Variants in R3HDM1 observed in about 807,000 individuals in gnomAD.
R3HDM1 encodes the protein R3H domain-containing protein 1.
A neutral mutation model predicts 141.1 loss-of-function variants in R3HDM1; 46 were observed. The ratio of observed to expected loss-of-function variants is 0.33; its 90% CI spans 0.26 to 0.42. R3HDM1 has a LOEUF of 0.42. R3HDM1 is among the 10% of genes least tolerant of loss of function. R3HDM1 has a pLI of 1.00. For synonymous variants in R3HDM1, 435 were observed against 472.9 expected (o/e 0.92, Z 1.04); for missense variants, 1,184 against 1,368.3 (o/e 0.87, Z 2.12).
chr2:135,706,084 G>A (rs1429701818), intron 21 of R3HDM1, among the ~76,000 whole-genome samples: 2 of 150,802 alleles, frequency 1.3e-5, no homozygotes, highest in Admixed American at 1.3e-4. Context: ...AGCCAAGATT[G>A]CGCCACTGCA....
chr2:135,614,972 C>T (rs1011035496), intron 3 of R3HDM1, among the ~76,000 whole-genome samples: 1 of 152,136 alleles, frequency 6.6e-6, no homozygotes, highest in Admixed American at 6.5e-5. Context: ...ACAATACCAA[C>T]ATGCAGAAGA....
chr2:135,531,893 A>C (rs982651863), intron 1 of R3HDM1, among the ~76,000 whole-genome samples: 8 of 152,024 alleles, frequency 5.3e-5, no homozygotes, highest in African/African-American at 1.9e-4. Context: ...CTCCGGCTGC[A>C]GCTGCAGCCA....
chr2:135,638,917 G>T lies in R3HDM1; in HGVS notation c.1014G>T (p.Gly338=), dbSNP rs2063520729. The T allele has an allele frequency of 1.2e-6, 2 of 1,613,740 alleles. No homozygotes were observed. Among genetic ancestry groups the T allele is most frequent in the African/African-American group, 1.3e-5 (1 of 74,844 alleles). ...ACAGAGTTAATAAAGATGCTTCAGG[G>T]AGATCTACAAATAGCCATCAAAGCA... ...QIFRVNKDAS[G]RSTNSHQSST... The change falls in exon 14 of 27, where the codon GGG becomes GGT. Residue 338 remains glycine (G), a synonymous_variant. Transcript: ENST00000683871.
intron 21 of R3HDM1, among the ~76,000 whole-genome samples, chr2:135,688,262 A>C (rs2071708499): frequency 6.6e-6 from 1 of 152,242 alleles, no homozygotes; most frequent in Non-Finnish European, 1.5e-5. Context: ...TGTGTGTTCA[A>C]GCATGAGTTG....
chr2:135,669,683 A>G, intron 19 of R3HDM1: 1 of 631,112 alleles, frequency 1.6e-6, no homozygotes, highest in Non-Finnish European at 2.0e-6. Flanking sequence ...ATCATAGAGA[A>G]GGTATGAACC....
chr2:135,536,291 C>T (rs1696098064), intron 1 of R3HDM1, among the ~76,000 whole-genome samples: 1 of 152,164 alleles, frequency 6.6e-6, no homozygotes, highest in Admixed American at 6.5e-5. Context: ...AAACTTGTCA[C>T]TAGGACTACA....
At chr2:135,699,049 T>C (rs985944343) in intron 21 of R3HDM1, among the ~76,000 whole-genome samples, 1 of 131,042 alleles carries the variant, frequency 7.6e-6, no homozygotes, top group Non-Finnish European at 1.5e-5. Context: ...ATAGATAAGA[T>C]AGATAAGATA....
intron 1 of R3HDM1, among the ~76,000 whole-genome samples, chr2:135,574,858 A>G (rs1287353518): frequency 1.3e-5 from 2 of 152,168 alleles, no homozygotes; most frequent in African/African-American, 2.4e-5. Context: ...AAAGCCAGGA[A>G]TCTTATATAT....
chr2:135,621,632 T>TA lies in R3HDM1; in HGVS notation c.418+24_418+25insA. ...AGGTTTGCAGTTCTTTTGTTTTTTT[T>TA]TAAAAAAAAATTTTGCTATCAGTAA... On this transcript the variant is annotated intron_variant, in intron 6 of 26. Coordinates refer to ENST00000683871, the MANE Select transcript of R3HDM1 (RefSeq NM_001378107.1). 5 of 1,524,522 alleles carry TA rather than the reference T, an allele frequency of 3.3e-6. No individual in the cohort carries two copies. In the South Asian group the frequency reaches 3.9e-5, roughly 12 times the overall value. The allele number at this position is 1,524,522 out of a possible 1,614,324, so 94.4% of individuals were successfully genotyped here. A position where few individuals can be genotyped will look rare whatever the true frequency, so the allele number is the denominator to read the frequency against.
At position 135,725,244 on chromosome 2, in the gene R3HDM1, C is replaced by G. The variant is rs540792435; in HGVS notation, c.*952C>G. On this transcript the variant is annotated 3_prime_UTR_variant, in exon 27 of 27. Coordinates refer to ENST00000683871, the MANE Select transcript of R3HDM1 (RefSeq NM_001378107.1). ...GTGCTGATGCAAGCCTTTTTCAGTT[C>G]AAGAGAATAAATGTTTACAAATATA... 1 of 150,388 alleles carries G rather than the reference C, an allele frequency of 6.6e-6. No individual in the cohort carries two copies. The highest frequency in any genetic ancestry group is 1.5e-5 in the Non-Finnish European group (1 of 67,950). The allele number at this position is 150,388 out of a possible 1,614,324, so 9.3% of individuals were successfully genotyped here. A position where few individuals can be genotyped will look rare whatever the true frequency, so the allele number is the denominator to read the frequency against.
chr2:135,568,508 C>T (rs1430942307), intron 1 of R3HDM1, among the ~76,000 whole-genome samples: 3 of 151,732 alleles, frequency 2.0e-5, no homozygotes, highest in Non-Finnish European at 2.9e-5. Context: ...GTCACTACAC[C>T]CGGCTAATTT....
At chr2:135,557,489 C>A (rs1032294794) in intron 1 of R3HDM1, among the ~76,000 whole-genome samples, 1 of 152,152 alleles carries the variant, frequency 6.6e-6, no homozygotes, top group African/African-American at 2.4e-5. Flanking sequence ...TAAGAGGCAG[C>A]CAGGTTCAGG....
intron 1 of R3HDM1, among the ~76,000 whole-genome samples, chr2:135,573,071 T>G (rs1490015968): frequency 3.7e-4 from 56 of 152,122 alleles, no homozygotes; most frequent in Admixed American, 3.7e-3. Flanking sequence ...ATTCTAAAAT[T>G]GATTGTGATT....
chr2:135,568,536 G>T (rs1703319828), intron 1 of R3HDM1, among the ~76,000 whole-genome samples: 1 of 149,716 alleles, frequency 6.7e-6, no homozygotes. Context: ...TTTTAGTAGA[G>T]ACATGGTTTC....
At chr2:135,532,120 G>A (rs921190946) in intron 1 of R3HDM1, among the ~76,000 whole-genome samples, 2 of 152,118 alleles carry the variant, frequency 1.3e-5, no homozygotes, top group African/African-American at 4.8e-5. Flanking sequence ...CCGGTGCCCC[G>A]GGCTCCCCCG....
chr2:135,556,164 AG>A (rs2104943491), intron 1 of R3HDM1, among the ~76,000 whole-genome samples: 1 of 152,350 alleles, frequency 6.6e-6, no homozygotes, highest in Admixed American at 6.5e-5. Context: ...TGTCCAGAAT[AG>A]GCAAATCTAT....
At chr2:135,604,327 T>C (rs553981703) in intron 2 of R3HDM1, among the ~76,000 whole-genome samples, 73 of 152,370 alleles carry the variant, frequency 4.8e-4, no homozygotes, top group Admixed American at 1.8e-3. Flanking sequence ...ATTTCTAATG[T>C]CTTCTAAATA....
chr2:135,656,038 G>C (rs1051269823), intron 18 of R3HDM1, among the ~76,000 whole-genome samples: 4 of 151,886 alleles, frequency 2.6e-5, no homozygotes, highest in Non-Finnish European at 1.5e-5. Flanking sequence ...CTATTGTTTT[G>C]GGATTTGTCC....
chr2:135,632,040 A>G, intron 9 of R3HDM1, 39 bp downstream of exon 9: 1 of 1,408,318 alleles, frequency 7.1e-7, no homozygotes, highest in Non-Finnish European at 9.7e-7. Flanking sequence ...TATATATCTA[A>G]ATAATAATAC....
Sources: gnomAD v4.1 joint callset for allele counts (sites outside exome capture counted in the v4.1 genomes callset) on GRCh38, gnomAD v4.1.1 for gene constraint, MANE v1.5 for transcripts, NCBI Gene and HGNC (gene_info 2026-07-23, HGNC 2026-07-21) for gene names.